The following CNOT10 variants were observed in gnomAD, a reference collection of about 807,000 sequenced individuals.
CNOT10 encodes the protein CCR4-NOT transcription complex, subunit 10.
A neutral mutation model predicts 94.6 loss-of-function variants in CNOT10; 30 were observed. The ratio of observed to expected loss-of-function variants is 0.32; its 90% CI spans 0.24 to 0.43. The LOEUF (loss-of-function observed/expected upper bound fraction) is 0.43, where lower values mean the gene tolerates loss of function less well. Ranked by LOEUF, CNOT10 falls within the 20% of genes least tolerant of loss-of-function variation. The probability of loss-of-function intolerance (pLI) is 1.00; values close to 1 mark genes in which losing one functional copy is unlikely to be tolerated. For missense variants in CNOT10, 759 were observed against 877.2 expected (o/e 0.87, Z 1.70); for synonymous variants, 289 against 301.6 (o/e 0.96, Z 0.43).
chr3:32,740,058 T>C (rs76034275), intron 13 of CNOT10, among the ~76,000 whole-genome samples: 9,331 of 152,186 alleles, frequency 0.061, 332 homozygotes, highest in African/African-American at 0.091. Flanking sequence ...GATTGTACCA[T>C]CAAACTCCAG....
chr3:32,699,032 C>T (rs115785259), intron 1 of CNOT10, among the ~76,000 whole-genome samples: 7,637 of 152,202 alleles, frequency 0.05, 433 homozygotes, highest in African/African-American at 0.13. Context: ...GTGATCCACC[C>T]GCGTTGGCCT....
chr3:32,761,279 G>A (rs1700429639), intron 14 of CNOT10, among the ~76,000 whole-genome samples: 3 of 152,204 alleles, frequency 2.0e-5, no homozygotes, highest in Non-Finnish European at 4.4e-5. Flanking sequence ...CATTTGGGTT[G>A]CCTCTAAAGT....
chr3:32,723,251 G>A (rs1389060622), intron 8 of CNOT10, among the ~76,000 whole-genome samples: 3 of 152,046 alleles, frequency 2.0e-5, no homozygotes, highest in Non-Finnish European at 4.4e-5. Flanking sequence ...AAATTAGCCA[G>A]GTGTGGTGGC....
chr3:32,728,748 A>C (rs1258645947), intron 10 of CNOT10, among the ~76,000 whole-genome samples: 1 of 152,224 alleles, frequency 6.6e-6, no homozygotes, highest in Non-Finnish European at 1.5e-5. Flanking sequence ...TAGCTGCTCC[A>C]GGGGTCAGGA....
intron 13 of CNOT10, among the ~76,000 whole-genome samples, chr3:32,751,274 AT>A (rs1008786016): frequency 2.5e-4 from 37 of 146,374 alleles, no homozygotes; most frequent in Admixed American, 2.7e-4. Flanking sequence ...CTAATTTTTA[AT>A]TTTTTTTTTT....
Position 32,727,809 on chromosome 3 carries a change from A to C in CNOT10, c.1154A>C (p.Tyr385Ser), listed in dbSNP as rs201450256. The change falls in exon 10 of 19, where the codon TAT (tyrosine) becomes TCT (serine). Residue 385 changes from tyrosine (Y) to serine (S), a missense_variant. Tyr to Ser is a moderately radical substitution (Grantham distance 144). Coordinates refer to ENST00000328834, the MANE Select transcript of CNOT10 (RefSeq NM_015442.3). ...TGTCTGATTGAAGCTGTTCAGGTTT[A>C]TCATGCAAATCCTCGCCTCTGGCTA... ...FECLIEAVQV[Y>S]HANPRLWLRL... 6.2e-7 allele frequency: 1 copy of C among 1,613,820 alleles called. No homozygotes were observed. The highest frequency in any genetic ancestry group is 8.5e-7 in the Non-Finnish European group (1 of 1,179,960).
chr3:32,750,245 A>G (rs748323564), intron 13 of CNOT10, among the ~76,000 whole-genome samples: 12 of 152,112 alleles, frequency 7.9e-5, no homozygotes, highest in Non-Finnish European at 1.5e-4. Context: ...CTGTAATCCC[A>G]GCACTGTGGG....
At position 32,703,881 on chromosome 3, in the gene CNOT10, G is replaced by A; in HGVS notation, c.36G>A (p.Glu12=). The A allele has an allele frequency of 6.2e-7, 1 of 1,613,264 alleles. No homozygotes were observed. The highest frequency in any genetic ancestry group is 8.5e-7 in the Non-Finnish European group (1 of 1,179,332). The change falls in exon 2 of 19, where the codon GAG becomes GAA. Residue 12 remains glutamate (E), a synonymous_variant. Transcript: ENST00000328834. ...GTGTGTTTGCAGATCAGGGAGCAGA[G>A]AAACATGAAGGCACAGGTCAGTCCT... is the stretch of plus-strand genomic sequence containing the variant. ...AADKPADQGA[E]KHEGTGQSSG... is the part of the protein sequence containing the mutation.
At chr3:32,762,663 A>G (rs1309049031) in intron 14 of CNOT10, 70 bp from the exon 15 acceptor site, 1 of 1,440,996 alleles carries the variant, frequency 6.9e-7, no homozygotes, top group African/African-American at 1.5e-5. Flanking sequence ...TAATATACCC[A>G]GCATTATTTT....
At chr3:32,736,177 A>G (rs919173933) in intron 12 of CNOT10, among the ~76,000 whole-genome samples, 1 of 151,954 alleles carries the variant, frequency 6.6e-6, no homozygotes, top group Non-Finnish European at 1.5e-5. Context: ...CCTCCACCTC[A>G]CAGGCTCAAG....
chr3:32,754,111 G>T (rs1480972485), intron 13 of CNOT10, among the ~76,000 whole-genome samples: 1 of 150,976 alleles, frequency 6.6e-6, no homozygotes, highest in African/African-American at 2.4e-5. Context: ...TCAAAAAAAA[G>T]TTGAAGGTTG....
At chr3:32,690,957 T>A (rs995859626) in intron 1 of CNOT10, among the ~76,000 whole-genome samples, 3 of 151,470 alleles carry the variant, frequency 2.0e-5, no homozygotes, top group Non-Finnish European at 4.4e-5. Context: ...CAGCAATTGT[T>A]ATATTTTACC....
At chr3:32,731,952 A>G (rs575249839) in intron 10 of CNOT10, among the ~76,000 whole-genome samples, 2 of 151,982 alleles carry the variant, frequency 1.3e-5, no homozygotes, top group Admixed American at 6.6e-5. Flanking sequence ...TGTGGCACCC[A>G]CCTGTAGTCC....
rs1697007223 is a variant in CNOT10 at position 32,695,515 on chromosome 3, C to G, written c.23-8353C>G. The G allele has an allele frequency of 1.4e-5, 21 of 1,455,760 alleles. No individual in the cohort carries two copies. In the South Asian group the frequency reaches 2.6e-4, roughly 18 times the overall value. 90.2% of individuals were successfully genotyped at this position (1,455,760 alleles called of 1,614,324 possible). On this transcript the variant is annotated intron_variant, in intron 1 of 18. Transcript: ENST00000328834. ...CAATCAGATTTGAATGATTAACATT[C>G]TGTATTGGAATGTGTCTGTGCTTTC...
Position 32,769,949 on chromosome 3 carries a change from T to G in CNOT10, c.2067T>G (p.Leu689=), listed in dbSNP as rs371347958. 3 of 1,612,828 alleles carry G rather than the reference T, an allele frequency of 1.9e-6. No individual in the cohort carries two copies. The highest frequency in any genetic ancestry group is 2.5e-6 in the Non-Finnish European group (3 of 1,178,850). The change falls in exon 18 of 19, where the codon CTT becomes CTG. Residue 689 remains leucine, a synonymous_variant. Coordinates refer to ENST00000328834, the MANE Select transcript of CNOT10 (RefSeq NM_015442.3). Reference sequence around the variant, plus strand: ...AGGCCATCTTGCTGGCAGTCTACCTTGAACTGCAGAATGGTGAGTAATTCT... The same window carrying G: ...AGGCCATCTTGCTGGCAGTCTACCTGGAACTGCAGAATGGTGAGTAATTCT... ...PPEAILLAVY[L]ELQNGNTQLA...
intron 10 of CNOT10, among the ~76,000 whole-genome samples, chr3:32,729,960 G>A (rs980230598): frequency 1.4e-4 from 21 of 150,732 alleles, no homozygotes; most frequent in Admixed American, 1.1e-3. Flanking sequence ...AGTAGAGACG[G>A]GGTTTCACCG....
chr3:32,739,732 C>T (rs1260581810), intron 13 of CNOT10, among the ~76,000 whole-genome samples: 4 of 152,082 alleles, frequency 2.6e-5, no homozygotes, highest in South Asian at 2.1e-4. Flanking sequence ...CGAGATCAGC[C>T]TAGCCAACAT....
rs1700513982 is a variant in CNOT10 at position 32,762,948 on chromosome 3, T to G, written c.1840+85T>G. The G allele has an allele frequency of 5.7e-6, 8 of 1,391,702 alleles. No individual in the cohort carries two copies. In the South Asian group the frequency reaches 1.4e-4, roughly 25 times the overall value. 86.2% of individuals were successfully genotyped at this position (1,391,702 alleles called of 1,614,324 possible). ...TTCAGGATGTGTGGAAATTTAGGCATGGTGGTAATGAGAAGAAAGTTTTAG... is the reference window on the plus strand; with the variant it reads ...TTCAGGATGTGTGGAAATTTAGGCAGGGTGGTAATGAGAAGAAAGTTTTAG... On this transcript the variant is annotated intron_variant, in intron 15 of 18. Coordinates refer to ENST00000328834, the MANE Select transcript of CNOT10 (RefSeq NM_015442.3).
chr3:32,745,386 C>A (rs1699646872), intron 13 of CNOT10, among the ~76,000 whole-genome samples: 1 of 152,052 alleles, frequency 6.6e-6, no homozygotes. Context: ...ACCAACTGTA[C>A]ACATAATGAC....
Sources: allele counts gnomAD v4.1 joint callset (sites outside exome capture counted in the v4.1 genomes callset), GRCh38; gene constraint gnomAD v4.1.1; transcripts MANE v1.5; gene names NCBI Gene and HGNC (gene_info 2026-07-23, HGNC 2026-07-21).